Variants in ASTN2 observed in about 807,000 individuals in gnomAD.
The protein encoded by ASTN2 is astrotactin-2.
In ASTN2, 54 loss-of-function variants were observed where a neutral mutation model predicts 139.8. That is an observed-to-expected ratio of 0.39 (90% CI 0.31 to 0.48). The LOEUF (loss-of-function observed/expected upper bound fraction) is 0.48, where lower values mean the gene tolerates loss of function less well. ASTN2 is among the 20% of genes least tolerant of loss of function. The pLI, the probability that ASTN2 is intolerant of heterozygous loss-of-function variation, is 0.95. For synonymous variants in ASTN2, 756 were observed against 719.5 expected (o/e 1.05, Z -0.81); for missense variants, 1,565 against 1,725.1 (o/e 0.91, Z 1.64).
At chr9:117,196,020 C>A (rs930186175) in intron 3 of ASTN2, among the ~76,000 whole-genome samples, 4 of 152,168 alleles carry the variant, frequency 2.6e-5, no homozygotes, top group African/African-American at 9.7e-5. Context: ...CATTAGCTCT[C>A]CCTAAGCTTT....
intron 16 of ASTN2, among the ~76,000 whole-genome samples, chr9:116,692,167 T>A (rs1407458096): frequency 1.3e-5 from 2 of 152,168 alleles, no homozygotes; most frequent in African/African-American, 2.4e-5. Flanking sequence ...GAAATGGAGA[T>A]ATCTAGAGAA....
intron 17 of ASTN2, among the ~76,000 whole-genome samples, chr9:116,637,676 T>C (rs1383794971): frequency 6.6e-6 from 1 of 152,198 alleles, no homozygotes; most frequent in African/African-American, 2.4e-5. Flanking sequence ...CGGTAGTACA[T>C]GCCTGTAATC....
intron 4 of ASTN2, among the ~76,000 whole-genome samples, chr9:117,119,478 T>G (rs1829486376): frequency 6.6e-6 from 1 of 152,120 alleles, no homozygotes; most frequent in African/African-American, 2.4e-5. Context: ...CCTGATGTCC[T>G]GACCCTCTCC....
At chr9:116,750,539 G>T (rs1311689028) in intron 13 of ASTN2, among the ~76,000 whole-genome samples, 1 of 109,412 alleles carries the variant, frequency 9.1e-6, no homozygotes, top group Non-Finnish European at 2.1e-5. Context: ...TTGTTTCCTT[G>T]TTCACTCTCT....
chr9:116,471,352 A>G (rs368280184), intron 20 of ASTN2, among the ~76,000 whole-genome samples: 54 of 152,216 alleles, frequency 3.5e-4, no homozygotes, highest in South Asian at 2.1e-3. Flanking sequence ...GCTTGTTTTA[A>G]TCTGTGAATG....
rs998558691 is a variant in ASTN2 at position 117,180,844 on chromosome 9, G to A, written c.1015+33514C>T. ...GAACTTGGTGAAGCCCCACTTCTTT[G>A]AGATGCGGATCTTCTGGTGGCCAGG... On this transcript the variant is annotated intron_variant, in intron 3 of 22. Coordinates refer to ENST00000313400, the MANE Select transcript of ASTN2 (RefSeq NM_001365068.1). 9 of 1,555,028 alleles carry A rather than the reference G, an allele frequency of 5.8e-6. No individual in the cohort carries two copies. In the African/African-American group the frequency reaches 8.1e-5, roughly 14 times the overall value.
Position 116,945,688 on chromosome 9 carries a change from G to C in ASTN2, c.1889+29520C>G, listed in dbSNP as rs16934086. Among the ~76,000 whole-genome samples the C allele has an allele frequency of 8.8e-3, 1,335 of 151,166 alleles. 29 individuals carry two copies. Among genetic ancestry groups the C allele is most frequent in the African/African-American group, 0.031 (1,265 of 41,116 alleles). On this transcript the variant is annotated intron_variant, in intron 10 of 22. Coordinates refer to ENST00000313400, the MANE Select transcript of ASTN2 (RefSeq NM_001365068.1). ...ACACAAGTTTATCAAGTCCCACATG[G>C]TTTATTATTTGGCCAATATTTTTCT...
At chr9:116,439,194 A>ATTTTTTTTTTTCTTTTTTT (rs1847754278) in intron 22 of ASTN2, among the ~76,000 whole-genome samples, 1 of 56,690 alleles carries the variant, frequency 1.8e-5, no homozygotes, top group African/African-American at 7.8e-5. Flanking sequence ...ATTCAAATAC[A>ATTTTTTTTTTTCTTTTTTT]TTTTTTTTTT....
At chr9:117,314,969 T>C (rs1394615929) in intron 1 of ASTN2, among the ~76,000 whole-genome samples, 5 of 147,648 alleles carry the variant, frequency 3.4e-5, no homozygotes, top group Non-Finnish European at 7.4e-5. Flanking sequence ...ATAATATTGG[T>C]ATGATGAAAT....
At chr9:117,128,783 T>A (rs868198313) in intron 4 of ASTN2, among the ~76,000 whole-genome samples, 14 of 152,326 alleles carry the variant, frequency 9.2e-5, no homozygotes, top group Middle Eastern at 3.4e-3. Context: ...AACTTACAGT[T>A]CCAGTTGGTG....
intron 19 of ASTN2, among the ~76,000 whole-genome samples, chr9:116,565,381 C>CCA: frequency 2.9e-5 from 1 of 34,728 alleles, no homozygotes; most frequent in South Asian, 9.7e-4. Context: ...CTCTCTCTCT[C>CCA]TCTCTCCATA....
At chr9:117,374,731 C>CATTTTG (rs1564172676) in intron 1 of ASTN2, among the ~76,000 whole-genome samples, 1 of 152,168 alleles carries the variant, frequency 6.6e-6, no homozygotes, top group Non-Finnish European at 1.5e-5. Context: ...AATAAAGCCT[C>CATTTTG]ATTTTGAGAC....
intron 3 of ASTN2, among the ~76,000 whole-genome samples, chr9:117,156,951 T>C (rs747161801): frequency 9.2e-5 from 14 of 151,986 alleles, no homozygotes; most frequent in Non-Finnish European, 1.9e-4. Flanking sequence ...AAGGTGCCAC[T>C]CCCAACTCCA....
At chr9:117,139,031 G>A (rs1356795174) in intron 4 of ASTN2, among the ~76,000 whole-genome samples, 1 of 152,126 alleles carries the variant, frequency 6.6e-6, no homozygotes, top group Admixed American at 6.5e-5. Flanking sequence ...GTTAAAAAAT[G>A]AATTCAGGTT....
chr9:116,656,177 C>T (rs1003221022), intron 16 of ASTN2, among the ~76,000 whole-genome samples: 1 of 152,152 alleles, frequency 6.6e-6, no homozygotes, highest in Non-Finnish European at 1.5e-5. Context: ...ACACAGCAGG[C>T]TTTCAAAAAT....
At chr9:116,874,739 C>T (rs771481071) in intron 10 of ASTN2, among the ~76,000 whole-genome samples, 3 of 152,142 alleles carry the variant, frequency 2.0e-5, no homozygotes, top group Non-Finnish European at 2.9e-5. Flanking sequence ...GACACAGCCT[C>T]GTTTTATTGT....
chr9:116,522,610 T>C (rs547649789), intron 19 of ASTN2, among the ~76,000 whole-genome samples: 121 of 152,236 alleles, frequency 7.9e-4, no homozygotes, highest in Non-Finnish European at 1.6e-3. Context: ...AAATCATCAC[T>C]AAAGAGCTTA....
intron 10 of ASTN2, among the ~76,000 whole-genome samples, chr9:116,883,217 T>G (rs541407156): frequency 6.6e-6 from 1 of 152,348 alleles, no homozygotes; most frequent in South Asian, 2.1e-4. Flanking sequence ...AAATCATGAT[T>G]TCTATGTATA....
intron 11 of ASTN2, among the ~76,000 whole-genome samples, chr9:116,856,284 A>C (rs963592994): frequency 2.0e-4 from 30 of 152,218 alleles, no homozygotes; most frequent in African/African-American, 7.0e-4. Context: ...TAGCTTTGAA[A>C]GTCCATTTCT....
Sources: allele counts gnomAD v4.1 joint callset (sites outside exome capture counted in the v4.1 genomes callset), GRCh38; gene constraint gnomAD v4.1.1; transcripts MANE v1.5; gene names NCBI Gene and HGNC (gene_info 2026-07-23, HGNC 2026-07-21).